Variants in AEN observed in about 807,000 individuals in gnomAD.
AEN encodes apoptosis-enhancing nuclease.
A neutral mutation model predicts 17.7 loss-of-function variants in AEN; 21 were observed. That is an observed-to-expected ratio of 1.19 (90% confidence interval 0.84 to 1.71). The LOEUF is 1.71. Among genes scored for constraint, AEN ranks in the 40% most tolerant of loss-of-function variants. The probability of loss-of-function intolerance (pLI) is 0.00; values close to 1 mark genes in which losing one functional copy is unlikely to be tolerated. For missense variants in AEN, 462 were observed against 435.9 expected (o/e 1.06, Z -0.53); for synonymous variants, 190 against 173.0 (o/e 1.10, Z -0.77).
At chr15:88,608,730 C>T in the AEN span, among the ~76,000 whole-genome samples, 2 of 152,200 alleles carry the variant, frequency 1.3e-5, no homozygotes, top group African/African-American at 2.4e-5. Flanking sequence ...TTCAGAGCTG[C>T]GCTTTTGGCC....
At chr15:88,628,304 A>G (rs764740774) in intron 2 of AEN, 9 of 152,300 alleles carry the variant, frequency 5.9e-5, no homozygotes, top group African/African-American at 1.2e-4. Flanking sequence ...ATCTGCCATG[A>G]AAGCTGGGTT....
In AEN at chr15:88,629,230, T is replaced by G. The variant is rs775242312; in HGVS notation, c.545T>G (p.Leu182Arg). ...VPFQVAQKEI[L>R]KLLKGKVVVG... is the part of the protein sequence containing the mutation. ...GACTCCTCTTTCTGCTCACAGATCCTTAAGCTCCTGAAGGGCAAGGTGGTG... is the reference window on the plus strand; with the variant it reads ...GACTCCTCTTTCTGCTCACAGATCCGTAAGCTCCTGAAGGGCAAGGTGGTG... Residue 182 changes from leucine (L) to arginine (R), a missense_variant, in exon 3 of 4, where the codon CTT becomes CGT. Coordinates refer to ENST00000332810, the MANE Select transcript of AEN (RefSeq NM_022767.4). The G allele has an allele frequency of 1.3e-5, 21 of 1,613,922 alleles. No homozygotes were observed. The highest frequency in any genetic ancestry group is 1.8e-5 in the Non-Finnish European group (21 of 1,179,972).
At chr15:88,612,725 C>T in the AEN span, among the ~76,000 whole-genome samples, 3 of 151,916 alleles carry the variant, frequency 2.0e-5, no homozygotes, top group Admixed American at 6.6e-5. Flanking sequence ...CTCAGCCTCC[C>T]GACTAGCTGG....
At chr15:88,617,328 G>A (rs1028358753), upstream of AEN, among the ~76,000 whole-genome samples, 71 of 152,070 alleles carry the variant, frequency 4.7e-4, no homozygotes, top group African/African-American at 1.6e-3. Context: ...ATCTTGGCTC[G>A]CTGCAACCTC....
upstream of AEN, among the ~76,000 whole-genome samples, chr15:88,616,480 A>G (rs902500011): frequency 4.7e-4 from 72 of 152,186 alleles, no homozygotes; most frequent in African/African-American, 1.7e-3. Flanking sequence ...GAGCCTTGCC[A>G]AAAGTCACAC....
the AEN span, among the ~76,000 whole-genome samples, chr15:88,609,379 C>T: frequency 6.6e-6 from 1 of 152,140 alleles, no homozygotes; most frequent in African/African-American, 2.4e-5. Flanking sequence ...AGCTCTAGAC[C>T]TGGACCCTCC....
At chr15:88,605,303 C>G in the AEN span, among the ~76,000 whole-genome samples, 1 of 152,254 alleles carries the variant, frequency 6.6e-6, no homozygotes, top group Non-Finnish European at 1.5e-5. The surrounding 1 kb of genome is among the most constrained non-coding windows in gnomAD (Gnocchi z 7.6). Flanking sequence ...CACAGCCTCG[C>G]GGGAGCCGGC....
chr15:88,605,748 G>A, the AEN span, among the ~76,000 whole-genome samples: 3 of 152,150 alleles, frequency 2.0e-5, no homozygotes, highest in African/African-American at 2.4e-5. The surrounding 1 kb of genome is among the most constrained non-coding windows in gnomAD (Gnocchi z 7.6). Flanking sequence ...GCTTGGAGTC[G>A]GCTCAGAATC....
intron 2 of AEN, chr15:88,628,973 C>T (rs555994467): frequency 4.6e-5 from 22 of 479,286 alleles, no homozygotes; most frequent in South Asian, 5.2e-5. Context: ...AGCCACCCCA[C>T]GGAATGCTGC....
rs1436314345 is a variant in AEN, at chr15:88,626,551, C to T, written c.342C>T (p.Asp114=). 6.2e-7 allele frequency: 1 copy of T among 1,614,164 alleles called. No homozygotes were observed. Among genetic ancestry groups the T allele is most frequent in the Non-Finnish European group, 8.5e-7 (1 of 1,180,044 alleles). ...TGCCCAGCAAGTGTGTGGCTATCGA[C>T]TGTGAGATGGTGGGCACGGGACCCC... is the stretch of plus-strand genomic sequence containing the variant. The part of the protein sequence containing the change: ...GPLPSKCVAI[D]CEMVGTGPRG... Residue 114 remains aspartate, a synonymous_variant, in exon 2 of 4, where the codon GAC becomes GAT. Coordinates refer to ENST00000332810, the MANE Select transcript of AEN (RefSeq NM_022767.4).
At chr15:88,617,983 A>G (rs1040636586), upstream of AEN, among the ~76,000 whole-genome samples, 2 of 152,162 alleles carry the variant, frequency 1.3e-5, no homozygotes, top group East Asian at 1.9e-4. Flanking sequence ...GGATAAAGCA[A>G]TCTCTGATCT....
Position 88,632,180 on chromosome 15 carries a change from G to A in AEN, c.*1886G>A, listed in dbSNP as rs1035664653. The A allele has an allele frequency of 6.6e-6, 1 of 152,244 alleles. No individual in the cohort carries two copies. The highest frequency in any genetic ancestry group is 2.1e-4 in the South Asian group (1 of 4,834). 9.4% of individuals were successfully genotyped at this position (152,244 alleles called of 1,614,324 possible). ...GTAGCTTTGATCCCTTGGTCTGGGG[G>A]TCGAAGGAAGATGGTGCTGTTATCA... On this transcript the variant is annotated 3_prime_UTR_variant, in exon 4 of 4. Transcript: ENST00000332810.
At chr15:88,611,768 C>T in the AEN span, 1 of 412,932 alleles carries the variant, frequency 2.4e-6, no homozygotes, top group South Asian at 1.8e-5. Flanking sequence ...AGCATCCAGA[C>T]CGCTGACCTG....
At position 88,631,062 on chromosome 15, in the gene AEN, C is replaced by G. The variant is rs1270073133; in HGVS notation, c.*768C>G. 1 of 452,132 alleles carries G rather than the reference C, an allele frequency of 2.2e-6. No individual in the cohort carries two copies. Among genetic ancestry groups the G allele is most frequent in the Non-Finnish European group, 4.5e-6 (1 of 223,098 alleles). 28.0% of individuals were successfully genotyped at this position (452,132 alleles called of 1,614,324 possible). A position where few individuals can be genotyped will look rare whatever the true frequency, so the allele number is the denominator to read the frequency against. ...AAGGCAGGTAAGCTTTGGACGAGAA[C>G]TGGCATATTTATTTTGACCCAAATC... On this transcript the variant is annotated 3_prime_UTR_variant, in exon 4 of 4. Transcript: ENST00000332810.
chr15:88,621,088 T>C (rs2057780053), upstream of AEN, among the ~76,000 whole-genome samples: 1 of 152,192 alleles, frequency 6.6e-6, no homozygotes, highest in Non-Finnish European at 1.5e-5. Flanking sequence ...GGAACACTGA[T>C]GGGACCGGGC....
Position 88,626,254 on chromosome 15 carries a change from T to C in AEN, c.45T>C (p.Pro15=), listed in dbSNP as rs781278675. Residue 15 remains proline, a synonymous_variant, in exon 2 of 4, where the codon CCT becomes CCC. Coordinates refer to ENST00000332810, the MANE Select transcript of AEN (RefSeq NM_022767.4). ...EAPESAQCLC[P]SLTIPNAKDV... Reference sequence around the variant, plus strand: ...CTGAGTCTGCTCAGTGCCTGTGCCCTTCCCTCACCATCCCAAATGCCAAGG... The same window carrying C: ...CTGAGTCTGCTCAGTGCCTGTGCCCCTCCCTCACCATCCCAAATGCCAAGG... 2 of 1,612,184 alleles carry C rather than the reference T, an allele frequency of 1.2e-6. No individual in the cohort carries two copies. The highest frequency in any genetic ancestry group is 1.7e-6 in the Non-Finnish European group (2 of 1,179,156).
chr15:88,617,516 G>T (rs1443327084), upstream of AEN, among the ~76,000 whole-genome samples: 1 of 152,202 alleles, frequency 6.6e-6, no homozygotes, highest in Non-Finnish European at 1.5e-5. Context: ...GCCTCCCAAA[G>T]TGTTGGAATT....
intron 1 of AEN, among the ~76,000 whole-genome samples, chr15:88,623,756 A>G (rs2057816537): frequency 6.6e-6 from 1 of 152,242 alleles, no homozygotes; most frequent in Non-Finnish European, 1.5e-5. Context: ...CTTGGCCAGT[A>G]GAGACCAATT....
At chr15:88,612,686 C>T in the AEN span, among the ~76,000 whole-genome samples, 2 of 151,952 alleles carry the variant, frequency 1.3e-5, no homozygotes, top group East Asian at 3.9e-4. Flanking sequence ...CTGCAACCTC[C>T]ACCTCCTGGG....
Sources: allele counts gnomAD v4.1 joint callset (sites outside exome capture counted in the v4.1 genomes callset), GRCh38; gene constraint gnomAD v4.1.1; non-coding constraint Gnocchi (gnomAD v3.1); transcripts MANE v1.5; gene names NCBI Gene and HGNC (gene_info 2026-07-23, HGNC 2026-07-21).